GPT2: variants seen among roughly 807,000 people sequenced by gnomAD.
GPT2 encodes alanine aminotransferase 2.
Under a neutral mutation model 56.9 loss-of-function variants are expected in GPT2, and 30 were observed. The observed-to-expected ratio is 0.53, with a 90% CI of 0.39 to 0.72. The LOEUF is 0.72. Among genes scored for constraint, GPT2 ranks in the 30% least tolerant of loss-of-function variants. The pLI is 0.00. For missense variants in GPT2, 542 were observed against 703.4 expected (o/e 0.77, Z 2.60); for synonymous variants, 271 against 283.1 (o/e 0.96, Z 0.43).
chr16:46,885,086 T>C, intron 2 of GPT2, 128 bp downstream of exon 2: 1 of 1,348,928 alleles, frequency 7.4e-7, no homozygotes, highest in Non-Finnish European at 9.5e-7. Context: ...CAAGCCTGGC[T>C]AAAACGAGAG....
rs1961515492 is a variant in GPT2 at position 46,930,240 on chromosome 16, C to A, written c.*1243C>A. The A allele has an allele frequency of 6.6e-6, 1 of 152,454 alleles. No individual in the cohort carries two copies. The highest frequency in any genetic ancestry group is 1.5e-5 in the Non-Finnish European group (1 of 68,176). 9.4% of individuals were successfully genotyped at this position (152,454 alleles called of 1,614,324 possible). ...TGCGGCTTCTCTGCCATTAGCAGCCCTGGGCGGGCCGACCACACTCGAGGC... is the reference window on the plus strand; with the variant it reads ...TGCGGCTTCTCTGCCATTAGCAGCCATGGGCGGGCCGACCACACTCGAGGC... On this transcript the variant is annotated 3_prime_UTR_variant, in exon 12 of 12. Transcript: ENST00000340124.
Position 46,893,332 on chromosome 16 carries a change from C to T in GPT2, c.244-4316C>T, listed in dbSNP as rs763502068. Among the ~76,000 whole-genome samples the T allele has an allele frequency of 8.5e-5, 13 of 152,108 alleles. 1 individual carries two copies. Among genetic ancestry groups the T allele is most frequent in the Non-Finnish European group, 1.9e-4 (13 of 68,020 alleles). On this transcript the variant is annotated intron_variant, in intron 2 of 11. Coordinates refer to ENST00000340124, the MANE Select transcript of GPT2 (RefSeq NM_133443.4). ...ATTTTTAGTAGAGACGGGGTTTCAC[C>T]GTGTTAGCCAGGATGGTCTCGATCT... is the stretch of plus-strand genomic sequence containing the variant.
At chr16:46,922,515 C>T (rs1961312360) in intron 9 of GPT2, 99 bp downstream of exon 9, 2 of 1,182,646 alleles carry the variant, frequency 1.7e-6, no homozygotes, top group South Asian at 3.0e-5. Context: ...AGACAGCAGC[C>T]TCCTGAGGGT....
intron 2 of GPT2, 77 bp from the exon 3 acceptor site, chr16:46,897,571 C>T (rs867872490): frequency 7.1e-5 from 96 of 1,349,560 alleles, no homozygotes; most frequent in South Asian, 8.3e-5. Context: ...TAATATCCTG[C>T]GGGAACCTTG....
rs1960440238 is a variant in GPT2 at position 46,884,485 on chromosome 16, C to G, written c.-23+18C>G. On this transcript the variant is annotated intron_variant, in intron 1 of 11. Coordinates refer to ENST00000340124, the MANE Select transcript of GPT2 (RefSeq NM_133443.4). The stretch of plus-strand genomic sequence containing the variant: ...GGCGACAGGCACGTTGCATGCATGC[C>G]TTGGGCGCAGCCTTTGCGAAAGCCG... 7.5e-6 allele frequency: 3 copies of G among 401,824 alleles called. No individual in the cohort carries two copies. Among genetic ancestry groups the G allele is most frequent in the South Asian group, 1.3e-4 (1 of 7,648 alleles). 24.9% of individuals were successfully genotyped at this position (401,824 alleles called of 1,614,324 possible).
rs201383826 is a variant in GPT2, at chr16:46,918,691, G to A, written c.971G>A (p.Gly324Glu). Reference sequence around the variant, plus strand: ...TTCAAGAAGGTGCTGTACGAGATGGGGCCCGAGTACTCCAGCAACGTGGAG... The same window carrying A: ...TTCAAGAAGGTGCTGTACGAGATGGAGCCCGAGTACTCCAGCAACGTGGAG... ...HSFKKVLYEM[G>E]PEYSSNVELA... Residue 324 changes from glycine to glutamate, a missense_variant, in exon 8 of 12, where the codon GGG becomes GAG. Transcript: ENST00000340124. 193 of 1,614,060 alleles carry A rather than the reference G, an allele frequency of 1.2e-4. 1 individual carries two copies. Among genetic ancestry groups the A allele is most frequent in the Non-Finnish European group, 1.4e-4 (161 of 1,180,038 alleles).
chr16:46,922,142 G>C, intron 8 of GPT2, 100 bp from the exon 9 acceptor site: 3 of 1,105,516 alleles, frequency 2.7e-6, no homozygotes, highest in Non-Finnish European at 4.0e-6. Context: ...TGGCCATTTG[G>C]TGTTGGGTGT....
Position 46,929,276 on chromosome 16 carries a change from A to G in GPT2, c.*279A>G. ...TCTGTTATTGTTTTTGCTTCTGGAAAGTTCATTTGGGGTTTACAACAACTA... is the reference window on the plus strand; with the variant it reads ...TCTGTTATTGTTTTTGCTTCTGGAAGGTTCATTTGGGGTTTACAACAACTA... On this transcript the variant is annotated 3_prime_UTR_variant, in exon 12 of 12. Transcript: ENST00000340124. 1 of 404,010 alleles carries G rather than the reference A, an allele frequency of 2.5e-6. No individual in the cohort carries two copies. Among genetic ancestry groups the G allele is most frequent in the Non-Finnish European group, 4.6e-6 (1 of 217,288 alleles). The allele number at this position is 404,010 out of a possible 1,614,324, so 25.0% of individuals were successfully genotyped here.
intron 5 of GPT2, among the ~76,000 whole-genome samples, chr16:46,907,514 A>G (rs1960956125): frequency 6.6e-6 from 1 of 152,222 alleles, no homozygotes; most frequent in Non-Finnish European, 1.5e-5. Flanking sequence ...CCTGAGGGAC[A>G]CACAGGAGTG....
chr16:46,893,378 G>A (rs539098770), intron 2 of GPT2, among the ~76,000 whole-genome samples: 2 of 152,216 alleles, frequency 1.3e-5, no homozygotes, highest in South Asian at 2.1e-4. Context: ...TGATCTACCC[G>A]CCTCAGCCTC....
In GPT2 at chr16:46,884,721, G is replaced by T; in HGVS notation, c.6G>T (p.Gln2His). The T allele has an allele frequency of 1.4e-6, 2 of 1,380,068 alleles. No homozygotes were observed. 85.5% of individuals were successfully genotyped at this position (1,380,068 alleles called of 1,614,324 possible). A position where few individuals can be genotyped will look rare whatever the true frequency, so the allele number is the denominator to read the frequency against. Reference protein sequence around the residue: MQRAAALVRRGC... With the variant: MHRAAALVRRGC... Reference sequence around the variant, plus strand: ...TTTCTCTCCGCAAGCGCGCGATGCAGCGGGCGGCGGCGCTGGTCCGGCGGG... The same window carrying T: ...TTTCTCTCCGCAAGCGCGCGATGCATCGGGCGGCGGCGCTGGTCCGGCGGG... The change falls in exon 2 of 12, where the codon CAG becomes CAT. Residue 2 changes from glutamine (Q) to histidine (H), a missense_variant. By Grantham distance (24) the Gln-to-His change is conservative. Coordinates refer to ENST00000340124, the MANE Select transcript of GPT2 (RefSeq NM_133443.4).
rs4039999 is a variant in GPT2, at chr16:46,910,380, C to CAAAAAA, written c.820+476_820+481dup. Among the ~76,000 whole-genome samples the CAAAAAA allele has an allele frequency of 1.4e-3, 67 of 46,476 alleles. 9 individuals carry two copies. Among genetic ancestry groups the CAAAAAA allele is most frequent in the African/African-American group, 6.4e-3 (61 of 9,546 alleles). 30.5% of individuals were successfully genotyped at this position (46,476 alleles called of 152,430 possible). ...TGGGTGACAGAGCGAGACTCTGTCT[C>CAAAAAA]AAAAAAAAAAAAAAAAAAAAAAAAA... On this transcript the variant is annotated intron_variant, in intron 6 of 11. Transcript: ENST00000340124.
At chr16:46,922,821 C>T (rs906089863) in intron 9 of GPT2, among the ~76,000 whole-genome samples, 1 of 152,158 alleles carries the variant, frequency 6.6e-6, no homozygotes, top group Non-Finnish European at 1.5e-5. Context: ...ACAGGGTCCT[C>T]CAGCTCTGAC....
intron 3 of GPT2, among the ~76,000 whole-genome samples, chr16:46,899,262 G>T (rs937305139): frequency 5.9e-5 from 9 of 151,898 alleles, no homozygotes; most frequent in Admixed American, 3.3e-4. Flanking sequence ...TCGAATTCCT[G>T]GACCCAAGTA....
At chr16:46,898,916 A>G (rs1005297828) in intron 3 of GPT2, among the ~76,000 whole-genome samples, 1 of 145,810 alleles carries the variant, frequency 6.9e-6, no homozygotes, top group Non-Finnish European at 1.5e-5. Context: ...ATATATACAC[A>G]CACATATATA....
At chr16:46,886,140 G>T (rs1258892208) in intron 2 of GPT2, among the ~76,000 whole-genome samples, 1 of 152,162 alleles carries the variant, frequency 6.6e-6, no homozygotes, top group Non-Finnish European at 1.5e-5. Context: ...CGGACTCCTT[G>T]CAGGGCTAAG....
At chr16:46,885,281 G>A in intron 2 of GPT2, 3 of 1,069,602 alleles carry the variant, frequency 2.8e-6, no homozygotes, top group South Asian at 4.5e-5. Context: ...AGGAACATAA[G>A]CGAATGAAGA....
chr16:46,916,042 A>C (rs970274916), intron 6 of GPT2: 2 of 153,680 alleles, frequency 1.3e-5, no homozygotes, highest in Non-Finnish European at 2.9e-5. Context: ...CTACACACAA[A>C]GCCTTCATAA....
chr16:46,916,787 G>T, intron 7 of GPT2, 80 bp downstream of exon 7: 1 of 973,802 alleles, frequency 1.0e-6, no homozygotes, highest in East Asian at 2.4e-5. Context: ...TTGTTCTGCA[G>T]CCAGAGAGAA....
Sources: gnomAD v4.1 joint callset for allele counts (sites outside exome capture counted in the v4.1 genomes callset) on GRCh38, gnomAD v4.1.1 for gene constraint, MANE v1.5 for transcripts, NCBI Gene and HGNC (gene_info 2026-07-23, HGNC 2026-07-21) for gene names.